Variants in BAD observed in about 807,000 individuals in gnomAD.
BAD encodes BCL2 associated agonist of cell death, also known as bcl2-associated agonist of cell death.
BAD carries 18 observed loss-of-function variants against 17.8 expected under a neutral mutation model. That is an observed-to-expected ratio of 1.01 (90% CI 0.70 to 1.50). The LOEUF (loss-of-function observed/expected upper bound fraction) is 1.50. Among genes scored for constraint, BAD ranks in the 40% most tolerant of loss-of-function variants. The pLI, the probability that BAD is intolerant of heterozygous loss-of-function variation, is 0.00. For synonymous variants in BAD, 112 were observed against 91.5 expected (o/e 1.22, Z -1.28); for missense variants, 294 against 239.3 (o/e 1.23, Z -1.51).
In BAD at chr11:64,269,893, G is replaced by C; in HGVS notation, c.*316C>G. The C allele has an allele frequency of 1.4e-6, 1 of 700,090 alleles. No homozygotes were observed. Among genetic ancestry groups the C allele is most frequent in the Non-Finnish European group, 2.6e-6 (1 of 385,340 alleles). The allele number at this position is 700,090 out of a possible 1,614,324, so 43.4% of individuals were successfully genotyped here. On this transcript the variant is annotated 3_prime_UTR_variant, in exon 4 of 4. Transcript: ENST00000309032. ...AGCACGGCCCCCAGGGCATCGCGGG[G>C]GCTCGGGTCCCGGTGACGCAACGGT...
intron 2 of BAD, among the ~76,000 whole-genome samples, chr11:64,274,046 C>G (rs1005435296): frequency 1.3e-5 from 2 of 152,128 alleles, no homozygotes; most frequent in Non-Finnish European, 2.9e-5. Flanking sequence ...TGGGCCAGTG[C>G]AGGGCCTCCA....
At position 64,269,846 on chromosome 11, in the gene BAD, G is replaced by T; in HGVS notation, c.*363C>A. ...AAAAGCCTCGGCGGCACAGACGCGG[G>T]CTTTATTAACATTTGGTAGTGAGCA... On this transcript the variant is annotated 3_prime_UTR_variant, in exon 4 of 4. Transcript: ENST00000309032. The T allele has an allele frequency of 1.4e-6, 1 of 695,672 alleles. No homozygotes were observed. The highest frequency in any genetic ancestry group is 1.5e-5 in the South Asian group (1 of 66,522). 43.1% of individuals were successfully genotyped at this position (695,672 alleles called of 1,614,324 possible).
intron 2 of BAD, among the ~76,000 whole-genome samples, chr11:64,279,524 T>G (rs990513676): frequency 6.6e-6 from 1 of 152,070 alleles, no homozygotes; most frequent in Non-Finnish European, 1.5e-5. Flanking sequence ...CCCAGCATTT[T>G]GGGAGGCTGA....
intron 2 of BAD, among the ~76,000 whole-genome samples, chr11:64,273,328 G>C (rs539953177): frequency 1.4e-3 from 212 of 152,212 alleles, no homozygotes; most frequent in African/African-American, 4.5e-3. Context: ...AGCCGAGATT[G>C]TGCCACTGCA....
chr11:64,278,471 G>T (rs1008760008), intron 2 of BAD, among the ~76,000 whole-genome samples: 7 of 151,658 alleles, frequency 4.6e-5, no homozygotes, highest in Non-Finnish European at 1.0e-4. Context: ...CCTCCTCTGC[G>T]CCAGGCACTG....
intron 2 of BAD, 97 bp downstream of exon 2, chr11:64,284,085 C>A: frequency 7.0e-7 from 1 of 1,426,956 alleles, no homozygotes; most frequent in Non-Finnish European, 9.4e-7. Context: ...TGGGGACCGA[C>A]CCAAAGCATT....
intron 2 of BAD, among the ~76,000 whole-genome samples, chr11:64,280,606 C>T (rs1229843936): frequency 4.6e-5 from 7 of 151,388 alleles, no homozygotes; most frequent in East Asian, 4.0e-4. Flanking sequence ...CCGCCTCGGC[C>T]TCCCAAAGTG....
intron 3 of BAD, among the ~76,000 whole-genome samples, chr11:64,271,381 T>TCA (rs58303026): frequency 0.055 from 3,289 of 60,228 alleles, 390 homozygotes; most frequent in African/African-American, 0.077. Context: ...GCCCTGTGAC[T>TCA]CACACACACA....
In BAD at chr11:64,270,437, G is replaced by A. The variant is rs372092949; in HGVS notation, c.379-100C>T. On this transcript the variant is annotated intron_variant, in intron 3 of 3. Coordinates refer to ENST00000309032, the MANE Select transcript of BAD (RefSeq NM_032989.3). ...CCTTCCTCTAAGTGAGATCGGGGGG[G>A]AGATAATGAAGGCCACAACTCCCAG... 4 of 1,435,928 alleles carry A rather than the reference G, an allele frequency of 2.8e-6. No individual in the cohort carries two copies. In the African/African-American group the frequency reaches 4.3e-5, roughly 15 times the overall value. The allele number at this position is 1,435,928 out of a possible 1,614,324, so 88.9% of individuals were successfully genotyped here. A position where few individuals can be genotyped will look rare whatever the true frequency, so the allele number is the denominator to read the frequency against.
intron 2 of BAD, among the ~76,000 whole-genome samples, chr11:64,278,105 C>T (rs761224288): frequency 7.2e-5 from 11 of 152,052 alleles, no homozygotes; most frequent in Non-Finnish European, 1.3e-4. Context: ...CTGAGCAACA[C>T]AGAAAGACCC....
intron 1 of BAD, 100 bp downstream of exon 1, chr11:64,284,531 G>A (rs2033723179): frequency 6.6e-7 from 1 of 1,523,086 alleles, no homozygotes; most frequent in East Asian, 2.4e-5. Context: ...GTCTGGCCTG[G>A]CAGGGAGCTG....
intron 2 of BAD, among the ~76,000 whole-genome samples, chr11:64,273,879 AAG>A (rs1285471210): frequency 6.6e-6 from 1 of 151,006 alleles, no homozygotes; most frequent in Non-Finnish European, 1.5e-5. Flanking sequence ...AAAAAAAAAA[AAG>A]AGAGGCAGGT....
chr11:64,270,679 C>T (rs1714158218), intron 3 of BAD: 2 of 550,314 alleles, frequency 3.6e-6, no homozygotes, highest in Non-Finnish European at 6.9e-6. Flanking sequence ...CCTGTAATCC[C>T]AGCACTTTGG....
chr11:64,270,162 G>T lies in BAD; in HGVS notation c.*47C>A. ...ACTTCCGCCCATATTCAAGATGGCT[G>T]CCCAGGGCAGTGGGAACGGGTGGAG... On this transcript the variant is annotated 3_prime_UTR_variant, in exon 4 of 4. Transcript: ENST00000309032. 2 of 1,613,790 alleles carry T rather than the reference G, an allele frequency of 1.2e-6. No individual in the cohort carries two copies. The highest frequency in any genetic ancestry group is 1.7e-6 in the Non-Finnish European group (2 of 1,179,872).
At chr11:64,284,155 G>C in intron 2 of BAD, 27 bp downstream of exon 2, 6 of 1,544,488 alleles carry the variant, frequency 3.9e-6, no homozygotes, top group Non-Finnish European at 5.2e-6. Context: ...GAGGTGTCCC[G>C]GCAGGTGGAG....
chr11:64,273,682 C>T (rs2135101571), intron 2 of BAD, among the ~76,000 whole-genome samples: 1 of 151,838 alleles, frequency 6.6e-6, no homozygotes, highest in Admixed American at 6.6e-5. Flanking sequence ...GAGTTTAAGA[C>T]CAGACTGACC....
chr11:64,276,655 T>C (rs1445193635), intron 2 of BAD: 3 of 475,552 alleles, frequency 6.3e-6, no homozygotes, highest in African/African-American at 2.0e-5. Flanking sequence ...AAGTGTTCTA[T>C]TTACAGGGAA....
intron 2 of BAD, among the ~76,000 whole-genome samples, chr11:64,280,260 C>T (rs1050107243): frequency 1.1e-4 from 16 of 148,452 alleles, no homozygotes; most frequent in Non-Finnish European, 2.2e-4. Flanking sequence ...GCAGAGCTTG[C>T]AGTGAGCTGA....
At chr11:64,277,198 A>G (rs192729344) in intron 2 of BAD, among the ~76,000 whole-genome samples, 4 of 152,316 alleles carry the variant, frequency 2.6e-5, no homozygotes, top group Admixed American at 6.5e-5. Flanking sequence ...CCCCTACCAC[A>G]TGCCGACCAC....
Sources: allele counts gnomAD v4.1 joint callset (sites outside exome capture counted in the v4.1 genomes callset), GRCh38; gene constraint gnomAD v4.1.1; transcripts MANE v1.5; gene names NCBI Gene and HGNC (gene_info 2026-07-23, HGNC 2026-07-21).